The following PIEZO2 variants were observed in gnomAD, a reference collection of about 807,000 sequenced individuals.
The protein encoded by PIEZO2 is piezo-type mechanosensitive ion channel component 2.
In PIEZO2, 172 loss-of-function variants were observed where a neutral mutation model predicts 337.3. That is an observed-to-expected ratio of 0.51 (90% CI 0.45 to 0.58). The LOEUF is 0.58. PIEZO2 is among the 20% of genes least tolerant of loss of function. The pLI, the probability that PIEZO2 is intolerant of heterozygous loss-of-function variation, is 0.00. For missense variants in PIEZO2, 3,028 were observed against 3,391.3 expected, an observed-to-expected ratio of 0.89 and a Z score of 2.66; for synonymous variants, 1,251 against 1,228.5, an observed-to-expected ratio of 1.02 and a Z score of -0.38.
At position 10,742,693 on chromosome 18, in the gene PIEZO2, G is replaced by A. The variant is rs958195692; in HGVS notation, c.4515-78C>T. On this transcript the variant is annotated intron_variant, in intron 31 of 55. Coordinates refer to ENST00000674853, the MANE Select transcript of PIEZO2 (RefSeq NM_001378183.1). The stretch of plus-strand genomic sequence containing the variant: ...GTGGTCAGTACTTTGGACTTATGCT[G>A]TTACGTATATAGCTAAATTCGTGGA... 1.0e-5 allele frequency: 15 copies of A among 1,449,542 alleles called. 1 individual carries two copies. The African/African-American group carries it at 2.1e-4, about 20-fold the overall frequency. 89.8% of individuals were successfully genotyped at this position (1,449,542 alleles called of 1,614,324 possible).
intron 7 of PIEZO2, among the ~76,000 whole-genome samples, chr18:10,831,965 C>A (rs1484903051): frequency 1.3e-5 from 2 of 152,106 alleles, no homozygotes; most frequent in African/African-American, 4.8e-5. Flanking sequence ...CTGATTAGCT[C>A]AACGTTCTTC....
At chr18:10,986,961 A>G (rs1471378555) in intron 2 of PIEZO2, among the ~76,000 whole-genome samples, 1 of 152,052 alleles carries the variant, frequency 6.6e-6, no homozygotes, top group Non-Finnish European at 1.5e-5. Flanking sequence ...GACTTACAAT[A>G]GCATCAAAAA....
chr18:10,734,744 C>T lies in PIEZO2; in HGVS notation c.4914+488G>A, dbSNP rs561044204. The stretch of plus-strand genomic sequence containing the variant: ...CGCAGACTGCACTGGGTGGATCAGC[C>T]CAGGAAGAAGCTGGCTGTACCGAGT... On this transcript the variant is annotated intron_variant, in intron 35 of 55. Transcript: ENST00000674853. Among the ~76,000 whole-genome samples, 7 of 152,198 alleles carry T rather than the reference C, an allele frequency of 4.6e-5. No homozygotes were observed. The South Asian group carries it at 6.2e-4, about 14-fold the overall frequency.
intron 5 of PIEZO2, among the ~76,000 whole-genome samples, chr18:10,867,820 T>C (rs1041688492): frequency 6.6e-6 from 1 of 152,264 alleles, no homozygotes; most frequent in Admixed American, 6.5e-5. Flanking sequence ...TATTTAAGAT[T>C]TCAGATCAGG....
intron 3 of PIEZO2, among the ~76,000 whole-genome samples, chr18:10,950,037 T>G (rs556511881): frequency 2.0e-5 from 3 of 152,352 alleles, no homozygotes; most frequent in South Asian, 4.1e-4. Context: ...AAAACAATAT[T>G]ACTTTTAAAA....
intron 47 of PIEZO2, 55 bp downstream of exon 47, chr18:10,696,019 A>C (rs2035064676): frequency 3.3e-6 from 5 of 1,516,898 alleles, no homozygotes; most frequent in Non-Finnish European, 3.7e-6. Flanking sequence ...GTATCACCTC[A>C]GGAAACACAG....
chr18:11,029,218 C>T (rs1025272565), intron 2 of PIEZO2, among the ~76,000 whole-genome samples: 2 of 152,202 alleles, frequency 1.3e-5, no homozygotes, highest in Non-Finnish European at 2.9e-5. Flanking sequence ...CAAAAAGCAG[C>T]TCTGATTTTT....
chr18:11,086,194 T>C (rs2146010769), intron 1 of PIEZO2, among the ~76,000 whole-genome samples: 1 of 152,304 alleles, frequency 6.6e-6, no homozygotes, highest in African/African-American at 2.4e-5. Flanking sequence ...CGGTGTCTTA[T>C]TTATCCTAAT....
rs572267573 is a variant in PIEZO2, at chr18:10,793,424, G to A, written c.1758+1348C>T. Among the ~76,000 whole-genome samples, 16 of 152,078 alleles carry A rather than the reference G, an allele frequency of 1.1e-4. No homozygotes were observed. The East Asian group carries it at 2.5e-3, about 24-fold the overall frequency. ...TCCCGGAGTAACTCTTTTTTTCCAC[G>A]AGTAACAAATTTATTTCCCAAATAA... is the stretch of plus-strand genomic sequence containing the variant. On this transcript the variant is annotated intron_variant, in intron 13 of 55. Coordinates refer to ENST00000674853, the MANE Select transcript of PIEZO2 (RefSeq NM_001378183.1).
At chr18:10,967,544 T>C (rs182132959) in intron 3 of PIEZO2, among the ~76,000 whole-genome samples, 4 of 152,348 alleles carry the variant, frequency 2.6e-5, no homozygotes, top group African/African-American at 9.6e-5. Context: ...CCACAGTGGT[T>C]GTACTAGTCT....
chr18:10,919,796 A>G (rs1035292545), intron 3 of PIEZO2, among the ~76,000 whole-genome samples: 1 of 152,178 alleles, frequency 6.6e-6, no homozygotes, highest in African/African-American at 2.4e-5. Context: ...TTGGCAGTCT[A>G]TAACGCTTCC....
intron 32 of PIEZO2, 48 bp from the exon 33 acceptor site, chr18:10,741,150 A>G: frequency 6.8e-7 from 1 of 1,480,540 alleles, no homozygotes. Context: ...GTGAGAAAAC[A>G]AATTTTGAAA....
chr18:10,932,649 G>A (rs1161751957), intron 3 of PIEZO2, among the ~76,000 whole-genome samples: 4 of 152,196 alleles, frequency 2.6e-5, no homozygotes, highest in Admixed American at 6.5e-5. Context: ...AAAGCCAGGC[G>A]TGGTGGCTCA....
chr18:10,759,383 C>A lies in PIEZO2; in HGVS notation c.3757+99G>T. Reference sequence around the variant, plus strand: ...ACAAGCCTTTACATGATTACGAAGTCTAGTGGAAGACAAAAGGCACTAATG... The same window carrying A: ...ACAAGCCTTTACATGATTACGAAGTATAGTGGAAGACAAAAGGCACTAATG... On this transcript the variant is annotated intron_variant, in intron 26 of 55. Transcript: ENST00000674853. This position sits in a 1 kb window ranked among gnomAD's most constrained non-coding sequence, Gnocchi z 5.5. The A allele has an allele frequency of 1.0e-6, 1 of 987,090 alleles. No individual in the cohort carries two copies. The highest frequency in any genetic ancestry group is 1.5e-5 in the South Asian group (1 of 67,588). 61.1% of individuals were successfully genotyped at this position (987,090 alleles called of 1,614,324 possible). A position where few individuals can be genotyped will look rare whatever the true frequency, so the allele number is the denominator to read the frequency against.
At position 10,861,727 on chromosome 18, in the gene PIEZO2, A is replaced by C. The variant is rs2041878172; in HGVS notation, c.493-4516T>G. On this transcript the variant is annotated intron_variant, in intron 5 of 55. Coordinates refer to ENST00000674853, the MANE Select transcript of PIEZO2 (RefSeq NM_001378183.1). The surrounding 1 kb of genome is among the most constrained non-coding windows in gnomAD (Gnocchi z 4.3). ...GACTGTAGTTTTTAATGTATATTTC[A>C]AAATAGTTGGCCGGGCACAGTGGTT... 6.6e-6 allele frequency among the ~76,000 whole-genome samples: 1 copy of C among 152,226 alleles called. No individual in the cohort carries two copies. The highest frequency in any genetic ancestry group is 1.5e-5 in the Non-Finnish European group (1 of 68,046).
intron 2 of PIEZO2, among the ~76,000 whole-genome samples, chr18:10,994,534 C>G (rs2035231421): frequency 1.3e-5 from 2 of 151,740 alleles, no homozygotes; most frequent in South Asian, 2.1e-4. Flanking sequence ...CTCACCCTCC[C>G]AAGTAGCTGG....
At chr18:11,072,490 G>T (rs772827817) in intron 1 of PIEZO2, among the ~76,000 whole-genome samples, 2 of 151,976 alleles carry the variant, frequency 1.3e-5, no homozygotes, top group Non-Finnish European at 2.9e-5. Context: ...AATAAAAGTC[G>T]CTCACATGAT....
In PIEZO2 at chr18:11,031,166, A is replaced by ATT. The variant is rs35909559; in HGVS notation, c.160+34959_160+34960dup. Among the ~76,000 whole-genome samples the ATT allele has an allele frequency of 1.4e-4, 19 of 140,294 alleles. No homozygotes were observed. The highest frequency in any genetic ancestry group is 3.7e-4 in the African/African-American group (14 of 38,322). The allele number at this position is 140,294 out of a possible 152,430, so 92.0% of individuals were successfully genotyped here. On this transcript the variant is annotated intron_variant, in intron 2 of 55. Transcript: ENST00000674853. This position sits in a 1 kb window ranked among gnomAD's most constrained non-coding sequence, Gnocchi z 4.7. Reference sequence around the variant, plus strand: ...CACCATGCCTGGCTAATTTTTTTGTATTTTTTTTTTTTTTAGTGGAGATGG... The same window carrying ATT: ...CACCATGCCTGGCTAATTTTTTTGTATTTTTTTTTTTTTTTTAGTGGAGATGG...
intron 3 of PIEZO2, among the ~76,000 whole-genome samples, chr18:10,966,272 C>T (rs1215387566): frequency 6.6e-6 from 1 of 152,190 alleles, no homozygotes; most frequent in Non-Finnish European, 1.5e-5. Context: ...ATTCTCCAAA[C>T]TCTTGACTCT....
Sources: allele counts gnomAD v4.1 joint callset (sites outside exome capture counted in the v4.1 genomes callset), GRCh38; gene constraint gnomAD v4.1.1; non-coding constraint Gnocchi (gnomAD v3.1); transcripts MANE v1.5; gene names NCBI Gene and HGNC (gene_info 2026-07-23, HGNC 2026-07-21).